The following ACTL6B variants were observed in gnomAD, a reference collection of about 807,000 sequenced individuals.
ACTL6B encodes the protein actin-like protein 6B.
In ACTL6B, 48 loss-of-function variants were observed where a neutral mutation model predicts 63.3. The ratio of observed to expected loss-of-function variants is 0.76; its 90% CI spans 0.60 to 0.96. The LOEUF (loss-of-function observed/expected upper bound fraction) is 0.96, where lower values mean the gene tolerates loss of function less well. ACTL6B is among the 50% of genes least tolerant of loss of function. The pLI, the probability that ACTL6B is intolerant of heterozygous loss-of-function variation, is 0.00. For synonymous variants in ACTL6B, 230 were observed against 223.8 expected, an observed-to-expected ratio of 1.03 and a Z score of -0.25; for missense variants, 350 against 572.2, an observed-to-expected ratio of 0.61 and a Z score of 3.96.
intron 5 of ACTL6B, 189 bp downstream of exon 5, chr7:100,649,849 G>C: frequency 1.8e-6 from 1 of 554,842 alleles, no homozygotes. Flanking sequence ...CGCTGATCTG[G>C]CCACCCCAGA....
chr7:100,648,884 T>G lies in ACTL6B; in HGVS notation c.468-61A>C. 1.3e-6 allele frequency: 2 copies of G among 1,506,436 alleles called. No homozygotes were observed. The highest frequency in any genetic ancestry group is 1.2e-5 in the South Asian group (1 of 82,220). The allele number at this position is 1,506,436 out of a possible 1,614,324, so 93.3% of individuals were successfully genotyped here. ...AGCAAGTGAGGGGCCTGGGCCCAGA[T>G]CTTGTCTGGTCACTCTCTGCTCTAC... On this transcript the variant is annotated intron_variant, in intron 5 of 13. Coordinates refer to ENST00000160382, the MANE Select transcript of ACTL6B (RefSeq NM_016188.5). The surrounding 1 kb of genome is among the most constrained non-coding windows in gnomAD (Gnocchi z 4.4).
chr7:100,654,208 G>A (rs1229042039), intron 4 of ACTL6B, among the ~76,000 whole-genome samples: 1 of 151,788 alleles, frequency 6.6e-6, no homozygotes, highest in East Asian at 2.0e-4. Context: ...TCTTGACCTC[G>A]TGATCCACCC....
rs1438680420 is a variant in ACTL6B, at chr7:100,656,320, G to C, written c.25+10C>G. On this transcript the variant is annotated intron_variant, in intron 1 of 13. Transcript: ENST00000160382. ...GGGCTGCGGGAGCCGGGGGCCCGAG[G>C]CTCGCTCACCTCCGCCGTAGACGCC... 72 of 1,385,510 alleles carry C rather than the reference G, an allele frequency of 5.2e-5. No homozygotes were observed. Among genetic ancestry groups the C allele is most frequent in the Non-Finnish European group, 6.5e-5 (69 of 1,066,642 alleles). 85.8% of individuals were successfully genotyped at this position (1,385,510 alleles called of 1,614,324 possible). A position where few individuals can be genotyped will look rare whatever the true frequency, so the allele number is the denominator to read the frequency against.
rs1362138559 is a variant in ACTL6B, at chr7:100,643,137, A to T, written c.*109T>A. On this transcript the variant is annotated 3_prime_UTR_variant, in exon 14 of 14. Transcript: ENST00000160382. ...CATTTTTACTTCTTTCAACCCAGAA[A>T]CATCACCATTAATGAGGACAAGAGG... The T allele has an allele frequency of 8.4e-6, 10 of 1,196,334 alleles. No individual in the cohort carries two copies. Among genetic ancestry groups the T allele is most frequent in the African/African-American group, 1.5e-5 (1 of 65,662 alleles). 74.1% of individuals were successfully genotyped at this position (1,196,334 alleles called of 1,614,324 possible).
At position 100,655,080 on chromosome 7, in the gene ACTL6B, G is replaced by A; in HGVS notation, c.308C>T (p.Thr103Ile). Residue 103 changes from threonine to isoleucine, a missense_variant, in exon 4 of 14, where the codon ACC becomes ATC. This residue lies in a region of ACTL6B where 250 missense variants were observed against 364.7 expected (regional missense o/e 0.69). Transcript: ENST00000160382. This position sits in a 1 kb window ranked among gnomAD's most constrained non-coding sequence, Gnocchi z 4.4. ...CTCAGACTTGACGTGTTTGCTGTAGGTGTGATCCAGGATGGCTCGGAAGCA... is the reference window on the plus strand; with the variant it reads ...CTCAGACTTGACGTGTTTGCTGTAGATGTGATCCAGGATGGCTCGGAAGCA... ...WECFRAILDH[T>I]YSKHVKSEPN... is the part of the protein sequence containing the mutation. The A allele has an allele frequency of 6.2e-7, 1 of 1,614,138 alleles. No homozygotes were observed. The highest frequency in any genetic ancestry group is 8.5e-7 in the Non-Finnish European group (1 of 1,180,028).
chr7:100,653,694 A>G (rs1803984180), intron 4 of ACTL6B, among the ~76,000 whole-genome samples: 1 of 152,044 alleles, frequency 6.6e-6, no homozygotes, highest in Non-Finnish European at 1.5e-5. Context: ...CCAAACAACA[A>G]CAACAACAAC....
chr7:100,651,507 G>A (rs1803939325), intron 4 of ACTL6B, among the ~76,000 whole-genome samples: 2 of 150,694 alleles, frequency 1.3e-5, no homozygotes, highest in Non-Finnish European at 3.0e-5. Context: ...CCAAGATCAC[G>A]CCATTGCACT....
rs1247430842 is a variant in ACTL6B, at chr7:100,647,876, G to T, written c.670-343C>A. ...GTCACTTCATACTCACAGCACCCTG[G>T]CTACTGCCTACTGCCGTTCCACTTT... On this transcript the variant is annotated intron_variant, in intron 7 of 13. Transcript: ENST00000160382. The surrounding 1 kb of genome is among the most constrained non-coding windows in gnomAD (Gnocchi z 4.4). 7.5e-6 allele frequency: 2 copies of T among 268,290 alleles called. No homozygotes were observed. The highest frequency in any genetic ancestry group is 7.0e-6 in the Non-Finnish European group (1 of 142,248). 16.6% of individuals were successfully genotyped at this position (268,290 alleles called of 1,614,324 possible).
At chr7:100,656,201 G>T in intron 1 of ACTL6B, 129 bp downstream of exon 1, 3 of 1,148,626 alleles carry the variant, frequency 2.6e-6, no homozygotes, top group Non-Finnish European at 2.3e-6. Flanking sequence ...GGGGTGGCGG[G>T]AGACCCGAGC....
chr7:100,647,330 A>T lies in ACTL6B; in HGVS notation c.760-46T>A, dbSNP rs1229811965. The T allele has an allele frequency of 6.2e-7, 1 of 1,608,562 alleles. No homozygotes were observed. Among genetic ancestry groups the T allele is most frequent in the African/African-American group, 1.3e-5 (1 of 74,794 alleles). The stretch of plus-strand genomic sequence containing the variant: ...GTGAGGGCCTGCCTTCCCCGTGAGC[A>T]GCACCCCCTGCCCCGCTCCCCCTCC... On this transcript the variant is annotated intron_variant, in intron 8 of 13. Coordinates refer to ENST00000160382, the MANE Select transcript of ACTL6B (RefSeq NM_016188.5). This position sits in a 1 kb window ranked among gnomAD's most constrained non-coding sequence, Gnocchi z 4.4.
intron 13 of ACTL6B, among the ~76,000 whole-genome samples, chr7:100,645,037 C>A (rs910780254): frequency 6.6e-6 from 1 of 152,024 alleles, no homozygotes; most frequent in South Asian, 2.1e-4. Context: ...GCCTGGGCGA[C>A]AGTGAGACTG....
intron 5 of ACTL6B, 117 bp downstream of exon 5, chr7:100,649,921 A>G (rs1803902995): frequency 1.1e-6 from 1 of 884,170 alleles, no homozygotes; most frequent in Admixed American, 2.1e-5. Context: ...GTGTCTGCCC[A>G]TTGGGACACT....
At chr7:100,649,238 C>T (rs532712513) in intron 5 of ACTL6B, among the ~76,000 whole-genome samples, 52 of 151,934 alleles carry the variant, frequency 3.4e-4, no homozygotes, top group Middle Eastern at 3.4e-3. Context: ...GTGATCTGCC[C>T]GCCTCGGCCT....
intron 4 of ACTL6B, among the ~76,000 whole-genome samples, chr7:100,653,969 G>A (rs985199597): frequency 6.6e-6 from 1 of 151,420 alleles, no homozygotes; most frequent in Non-Finnish European, 1.5e-5. Context: ...TTTAAATGAG[G>A]TTTTAAATTT....
intron 13 of ACTL6B, among the ~76,000 whole-genome samples, chr7:100,645,470 C>T (rs890158725): frequency 2.6e-5 from 4 of 152,050 alleles, no homozygotes; most frequent in African/African-American, 9.7e-5. Context: ...GCTCATACCC[C>T]GACCCCAAAG....
chr7:100,648,658 G>C lies in ACTL6B; in HGVS notation c.567C>G (p.Ile189Met), dbSNP rs772895278. ...VHDGYVLQQG[I>M]VKSPLAGDFI... is the part of the protein sequence containing the mutation. ...AGTCCCCTGCCAGAGGGGACTTGACGATGCCTAGAAGGAAGGCACTGTCAG... is the reference window on the plus strand; with the variant it reads ...AGTCCCCTGCCAGAGGGGACTTGACCATGCCTAGAAGGAAGGCACTGTCAG... The change falls in exon 7 of 14, where the codon ATC becomes ATG. Residue 189 changes from isoleucine to methionine, a missense_variant. Coordinates refer to ENST00000160382, the MANE Select transcript of ACTL6B (RefSeq NM_016188.5). The surrounding 1 kb of genome is among the most constrained non-coding windows in gnomAD (Gnocchi z 4.4). 13 of 1,612,162 alleles carry C rather than the reference G, an allele frequency of 8.1e-6. No homozygotes were observed. Among genetic ancestry groups the C allele is most frequent in the Non-Finnish European group, 1.1e-5 (13 of 1,178,780 alleles).
At chr7:100,644,295 T>A (rs1803779359) in intron 13 of ACTL6B, among the ~76,000 whole-genome samples, 1 of 152,120 alleles carries the variant, frequency 6.6e-6, no homozygotes. Context: ...CAGCCTCCCA[T>A]AATGTTGGGA....
intron 4 of ACTL6B, among the ~76,000 whole-genome samples, chr7:100,651,550 CAA>C (rs879628241): frequency 5.3e-5 from 6 of 113,878 alleles, no homozygotes; most frequent in Admixed American, 9.0e-5. Flanking sequence ...CACTTCATCT[CAA>C]AAAAAAAAAA....
chr7:100,655,512 C>T lies in ACTL6B; in HGVS notation c.177G>A (p.Glu59=). 1 of 1,614,168 alleles carries T rather than the reference C, an allele frequency of 6.2e-7. No individual in the cohort carries two copies. Among genetic ancestry groups the T allele is most frequent in the Non-Finnish European group, 8.5e-7 (1 of 1,180,008 alleles). Residue 59 remains glutamate (E), a synonymous_variant, in exon 3 of 14, where the codon GAG becomes GAA. Transcript: ENST00000160382. The surrounding 1 kb of genome is among the most constrained non-coding windows in gnomAD (Gnocchi z 4.4). ...CGATGTGGAAGATCTTCCCTTTCTTCTCTTTGTCCCCCTCCAGCTCCAGCC... is the reference window on the plus strand; with the variant it reads ...CGATGTGGAAGATCTTCCCTTTCTTTTCTTTGTCCCCCTCCAGCTCCAGCC... The part of the protein sequence containing the change: ...GGGLELEGDK[E]KKGKIFHIDT...
Sources: gnomAD v4.1 joint callset for allele counts (sites outside exome capture counted in the v4.1 genomes callset) on GRCh38, gnomAD v4.1.1 for gene constraint, gnomAD v4.1.1 regional missense constraint, Gnocchi (gnomAD v3.1) non-coding constraint, MANE v1.5 for transcripts, NCBI Gene and HGNC (gene_info 2026-07-23, HGNC 2026-07-21) for gene names.